Variants in KDR observed in about 807,000 individuals in gnomAD.
KDR encodes the protein vascular endothelial growth factor receptor 2.
A neutral mutation model predicts 160.9 loss-of-function variants in KDR; 43 were observed. The observed-to-expected ratio is 0.27, with a 90% CI of 0.21 to 0.34. The LOEUF is 0.34. Among genes scored for constraint, KDR ranks in the 10% least tolerant of loss-of-function variants. The probability of loss-of-function intolerance (pLI) is 1.00; values close to 1 mark genes in which losing one functional copy is unlikely to be tolerated. For missense variants in KDR, 1,469 were observed against 1,666.4 expected, an observed-to-expected ratio of 0.88 and a Z score of 2.06; for synonymous variants, 617 against 600.1, an observed-to-expected ratio of 1.03 and a Z score of -0.41.
rs1359742483 is a variant in KDR, at chr4:55,101,877, T to C, written c.2266+20A>G. On this transcript the variant is annotated intron_variant, in intron 15 of 29. Coordinates refer to ENST00000263923, the MANE Select transcript of KDR (RefSeq NM_002253.4). ...CATTCCATGGTGTATATGTACCACA[T>C]TTTTTTTTATCCCACTGACCTTCTA... is the stretch of plus-strand genomic sequence containing the variant. The C allele has an allele frequency of 7.2e-6, 11 of 1,523,118 alleles. No homozygotes were observed. Among genetic ancestry groups the C allele is most frequent in the Non-Finnish European group, 1.0e-5 (11 of 1,104,452 alleles). The allele number at this position is 1,523,118 out of a possible 1,614,324, so 94.4% of individuals were successfully genotyped here.
chr4:55,098,381 A>G, intron 16 of KDR, 109 bp from the exon 17 acceptor site: 1 of 1,335,616 alleles, frequency 7.5e-7, no homozygotes, highest in Non-Finnish European at 1.1e-6. Flanking sequence ...ATTTTCCAAT[A>G]AAACTCATGG....
At chr4:55,097,832 A>G (rs1348696161) in intron 17 of KDR, 66 bp from the exon 18 acceptor site, 1 of 1,125,188 alleles carries the variant, frequency 8.9e-7, no homozygotes, top group African/African-American at 1.5e-5. Flanking sequence ...AGTGATACGC[A>G]GAGACATCAA....
At chr4:55,115,254 G>A (rs1720704064) in intron 4 of KDR, 27 bp downstream of exon 4, 1 of 1,585,406 alleles carries the variant, frequency 6.3e-7, no homozygotes, top group Non-Finnish European at 8.7e-7. Context: ...AAAAACTTAA[G>A]AGACGATTGG....
intron 27 of KDR, among the ~76,000 whole-genome samples, chr4:55,085,473 G>T (rs371704652): frequency 6.6e-6 from 1 of 152,290 alleles, no homozygotes; most frequent in Non-Finnish European, 1.5e-5. Flanking sequence ...TGCGTAAGAG[G>T]ATAGAACAAG....
chr4:55,104,853 T>A lies in KDR; in HGVS notation c.1777A>T (p.Ile593Phe), dbSNP rs146888336. 2 of 1,613,966 alleles carry A rather than the reference T, an allele frequency of 1.2e-6. No individual in the cohort carries two copies. The highest frequency in any genetic ancestry group is 2.7e-5 in the African/African-American group (2 of 75,022). The change falls in exon 13 of 30, where the codon ATC becomes TTC. Residue 593 changes from isoleucine to phenylalanine, a missense_variant. By Grantham distance (21) the Ile-to-Phe change is conservative (BLOSUM62 0). This residue lies in a region of KDR where 792 missense variants were observed against 840.9 expected (regional missense o/e 0.94). Coordinates refer to ENST00000263923, the MANE Select transcript of KDR (RefSeq NM_002253.4). ...WYKLGPQPLP[I>F]HVGELPTPVC... ...GGTGTGGGCAACTCTCCCACATGGATTGGCAGAGGCTGTGGGCCAAGCTTG... is the reference window on the plus strand; with the variant it reads ...GGTGTGGGCAACTCTCCCACATGGAATGGCAGAGGCTGTGGGCCAAGCTTG...
intron 22 of KDR, among the ~76,000 whole-genome samples, chr4:55,091,510 A>T (rs1160584790): frequency 6.6e-6 from 1 of 152,198 alleles, no homozygotes; most frequent in Non-Finnish European, 1.5e-5. Context: ...ATAATAAGTC[A>T]TAATCTCCAA....
intron 15 of KDR, among the ~76,000 whole-genome samples, chr4:55,099,156 C>G (rs963428598): frequency 3.5e-4 from 54 of 152,152 alleles, no homozygotes; most frequent in African/African-American, 1.2e-3. Flanking sequence ...GCTGGGACTA[C>G]AGGTGCATAC....
rs1011845787 is a variant in KDR, at chr4:55,114,024, T to C, written c.798+102A>G. On this transcript the variant is annotated intron_variant, in intron 6 of 29. Coordinates refer to ENST00000263923, the MANE Select transcript of KDR (RefSeq NM_002253.4). ...GTGTATGTGTGTGTGTTTAAGGCTCTTACATTTTATCTGGCCAAAGAGGCC... is the reference window on the plus strand; with the variant it reads ...GTGTATGTGTGTGTGTTTAAGGCTCCTACATTTTATCTGGCCAAAGAGGCC... The C allele has an allele frequency of 7.3e-6, 9 of 1,225,852 alleles. No homozygotes were observed. The Admixed American group carries it at 1.0e-4, about 14-fold the overall frequency. The allele number at this position is 1,225,852 out of a possible 1,614,324, so 75.9% of individuals were successfully genotyped here.
Position 55,079,983 on chromosome 4 carries a change from G to C in KDR, c.4029C>G (p.Leu1343=), listed in dbSNP as rs1387685978. Residue 1343 remains leucine (L), a synonymous_variant, in exon 30 of 30, where the codon CTC becomes CTG. Coordinates refer to ENST00000263923, the MANE Select transcript of KDR (RefSeq NM_002253.4). The stretch of plus-strand genomic sequence containing the variant: ...TCAGTGTGGTCCCCGAGTCAGGCTG[G>C]AGAATCTGGGCTGTGCTACCGGTTT... ...GVQTGSTAQI[L]QPDSGTTLSS... is the part of the protein sequence containing the mutation. 3 of 1,614,150 alleles carry C rather than the reference G, an allele frequency of 1.9e-6. No individual in the cohort carries two copies. Among genetic ancestry groups the C allele is most frequent in the Admixed American group, 1.7e-5 (1 of 60,022 alleles).
chr4:55,080,237 C>A, intron 29 of KDR, 74 bp from the exon 30 acceptor site: 1 of 1,325,750 alleles, frequency 7.5e-7, no homozygotes, highest in Non-Finnish European at 1.1e-6. Flanking sequence ...TCACCCCATT[C>A]CCAACTCCAT....
In KDR at chr4:55,113,484, G is replaced by GA. The variant is rs758098424; in HGVS notation, c.799-4dup. 2 of 1,613,200 alleles carry GA rather than the reference G, an allele frequency of 1.2e-6. No homozygotes were observed. Among genetic ancestry groups the GA allele is most frequent in the Non-Finnish European group, 1.7e-6 (2 of 1,179,542 alleles). On this transcript the variant is annotated splice_polypyrimidine_tract_variant and splice_region_variant and intron_variant, in intron 6 of 29. Transcript: ENST00000263923. ...TTTACAAGTTTCTTATGCTGATGCTGAAAAAAAGAGTTGACTGAACTTCCA... is the reference window on the plus strand; with the variant it reads ...TTTACAAGTTTCTTATGCTGATGCTGAAAAAAAAGAGTTGACTGAACTTCCA...
At chr4:55,080,512 G>T (rs969290856) in intron 29 of KDR, among the ~76,000 whole-genome samples, 1 of 152,136 alleles carries the variant, frequency 6.6e-6, no homozygotes, top group Non-Finnish European at 1.5e-5. Flanking sequence ...GCGCCAAAGG[G>T]CCACTTGCAT....
chr4:55,125,329 G>A lies in KDR; in HGVS notation c.-36C>T, dbSNP rs767239103. On this transcript the variant is annotated 5_prime_UTR_variant, in exon 1 of 30. Coordinates refer to ENST00000263923, the MANE Select transcript of KDR (RefSeq NM_002253.4). ...GAGCCGGGCGAAATGCCCAGAACTC[G>A]GGAGCCGGTTCTTTCTCCCAGCGCC... The A allele has an allele frequency of 1.8e-4, 282 of 1,591,024 alleles. 4 individuals carry two copies. In the Admixed American group the frequency reaches 3.6e-3, roughly 20 times the overall value.
rs188919125 is a variant in KDR, at chr4:55,095,741, C to T, written c.2729-76G>A. The T allele has an allele frequency of 6.1e-6, 6 of 990,184 alleles. No individual in the cohort carries two copies. The Admixed American group carries it at 8.8e-5, about 15-fold the overall frequency. The allele number at this position is 990,184 out of a possible 1,614,324, so 61.3% of individuals were successfully genotyped here. A position where few individuals can be genotyped will look rare whatever the true frequency, so the allele number is the denominator to read the frequency against. ...ACTAAGCGTTTAATATAGTGATGAACCCAAAAACACCTTAGAAGAAGGCTA... is the reference window on the plus strand; with the variant it reads ...ACTAAGCGTTTAATATAGTGATGAATCCAAAAACACCTTAGAAGAAGGCTA... On this transcript the variant is annotated intron_variant, in intron 19 of 29. Coordinates refer to ENST00000263923, the MANE Select transcript of KDR (RefSeq NM_002253.4).
rs867819358 is a variant in KDR, at chr4:55,087,632, G to A, written c.3637C>T (p.His1213Tyr). 6.2e-7 allele frequency: 1 copy of A among 1,614,160 alleles called. No individual in the cohort carries two copies. The highest frequency in any genetic ancestry group is 1.3e-5 in the African/African-American group (1 of 75,046). Residue 1213 changes from histidine (H) to tyrosine (Y), a missense_variant, in exon 27 of 30, where the codon CAT (histidine) becomes TAT (tyrosine). Physicochemically the swap from His to Tyr is moderately conservative, Grantham distance 83 (BLOSUM62 2). This residue lies in a region of KDR where 229 missense variants were observed against 197.8 expected (regional missense o/e 1.16). Transcript: ENST00000263923. ...CTGATTCCTGCTGTGTTGTCATAAT[G>A]GAATTTGGGGTCACATACTTCCTCC... Reference protein sequence around the residue: ...EEEEVCDPKFHYDNTAGISQY... With the variant: ...EEEEVCDPKFYYDNTAGISQY...
In KDR at chr4:55,115,285, C is replaced by T; in HGVS notation, c.485G>A (p.Cys162Tyr). The change falls in exon 4 of 30, where the codon TGT becomes TAT. Residue 162 changes from cysteine (C) to tyrosine (Y), a missense_variant. Physicochemically the swap from Cys to Tyr is radical, Grantham distance 194. Around this residue, in one of 7 missense-constraint regions of KDR, gnomAD observed 792 missense variants for 840.9 expected, o/e 0.94. Transcript: ENST00000263923. ...GSISNLNVSL[C>Y]ARYPEKRFVP... ...ATTGGAGGAGATGCAACTTACTGCA[C>T]AAAGTGACACGTTGAGATTTGAAAT... is the stretch of plus-strand genomic sequence containing the variant. 1 of 1,607,378 alleles carries T rather than the reference C, an allele frequency of 6.2e-7. No homozygotes were observed. Among genetic ancestry groups the T allele is most frequent in the African/African-American group, 1.3e-5 (1 of 74,790 alleles).
intron 21 of KDR, among the ~76,000 whole-genome samples, chr4:55,093,638 T>A (rs1324264927): frequency 6.6e-6 from 1 of 152,146 alleles, no homozygotes; most frequent in Non-Finnish European, 1.5e-5. Flanking sequence ...CTAGACCAAG[T>A]CCCAGCCTCA....
intron 21 of KDR, 89 bp downstream of exon 21, chr4:55,094,713 T>C (rs1720104712): frequency 1.2e-5 from 15 of 1,254,142 alleles, no homozygotes; most frequent in East Asian, 4.6e-5. Context: ...TATTGGACTT[T>C]TCCCATGATC....
At chr4:55,093,244 T>A (rs886987637) in intron 21 of KDR, among the ~76,000 whole-genome samples, 11 of 152,176 alleles carry the variant, frequency 7.2e-5, no homozygotes, top group African/African-American at 2.4e-4. Flanking sequence ...GTAAATACAT[T>A]AAATCTGGCC....
Sources: allele counts gnomAD v4.1 joint callset (sites outside exome capture counted in the v4.1 genomes callset), GRCh38; gene constraint gnomAD v4.1.1; regional missense constraint gnomAD v4.1.1; transcripts MANE v1.5; gene names NCBI Gene and HGNC (gene_info 2026-07-23, HGNC 2026-07-21).